Variants in IGSF5 observed in about 807,000 individuals in gnomAD.
The protein encoded by IGSF5 is immunoglobulin superfamily member 5, also known as immunoglobulin superfamily 5 like.
IGSF5 carries 41 observed loss-of-function variants against 39.4 expected under a neutral mutation model. The ratio of observed to expected loss-of-function variants is 1.04; its 90% CI spans 0.81 to 1.35. The LOEUF is 1.35. IGSF5 is among the 40% of genes most tolerant of loss of function. The probability of loss-of-function intolerance (pLI) is 0.00; values close to 1 mark genes in which losing one functional copy is unlikely to be tolerated. For missense variants in IGSF5, 487 were observed against 494.6 expected (o/e 0.98, Z 0.15); for synonymous variants, 183 against 175.3 (o/e 1.04, Z -0.34).
At chr21:39,782,265 T>G (rs2080174677) in intron 5 of IGSF5, among the ~76,000 whole-genome samples, 1 of 152,224 alleles carries the variant, frequency 6.6e-6, no homozygotes, top group African/African-American at 2.4e-5. Flanking sequence ...TCTCCTTGGG[T>G]GAGTCTGCCT....
the IGSF5 span, among the ~76,000 whole-genome samples, chr21:39,716,575 G>T: frequency 2.6e-5 from 4 of 152,010 alleles, no homozygotes; most frequent in African/African-American, 9.7e-5. Flanking sequence ...TTTAGCTCCC[G>T]CTTGTAAGTG....
chr21:39,721,449 G>A, the IGSF5 span, among the ~76,000 whole-genome samples: 1 of 152,184 alleles, frequency 6.6e-6, no homozygotes, highest in African/African-American at 2.4e-5. Flanking sequence ...TGCAAGTTCA[G>A]GCGGAAGTCC....
At position 39,799,319 on chromosome 21, in the gene IGSF5, G is replaced by T. The variant is rs116153145; in HGVS notation, c.1129-1943G>T. Reference sequence around the variant, plus strand: ...GGTGCACCCAGCGCCTATAAATACCGCTGCCTTGGTACCCTGCTGGCGTAG... The same window carrying T: ...GGTGCACCCAGCGCCTATAAATACCTCTGCCTTGGTACCCTGCTGGCGTAG... On this transcript the variant is annotated intron_variant, in intron 8 of 8. Coordinates refer to ENST00000380588, the MANE Select transcript of IGSF5 (RefSeq NM_001080444.2). Among the ~76,000 whole-genome samples the T allele has an allele frequency of 5.2e-3, 785 of 152,218 alleles. 5 individuals carry two copies. Among genetic ancestry groups the T allele is most frequent in the African/African-American group, 0.018 (749 of 41,542 alleles).
intron 3 of IGSF5, among the ~76,000 whole-genome samples, chr21:39,768,492 T>C (rs2080097490): frequency 6.6e-6 from 1 of 152,210 alleles, no homozygotes; most frequent in South Asian, 2.1e-4. Context: ...CCCAAGTGTA[T>C]ACAGAAAAAG....
At chr21:39,797,515 G>A (rs1308142035) in intron 8 of IGSF5, among the ~76,000 whole-genome samples, 1 of 151,918 alleles carries the variant, frequency 6.6e-6, no homozygotes, top group Non-Finnish European at 1.5e-5. Flanking sequence ...CAGCTTGCCC[G>A]GCCTTTAAAA....
At chr21:39,748,874 T>A (rs1308613580) in intron 2 of IGSF5, among the ~76,000 whole-genome samples, 1 of 152,220 alleles carries the variant, frequency 6.6e-6, no homozygotes, top group Admixed American at 6.5e-5. Flanking sequence ...AATTGTGACG[T>A]GCAGCTGAAG....
chr21:39,734,422 CAA>C, the IGSF5 span, among the ~76,000 whole-genome samples: 886 of 96,292 alleles, frequency 9.2e-3, 10 homozygotes, highest in African/African-American at 0.034. Flanking sequence ...GACTCTGTCT[CAA>C]AAAAAAAAAA....
the IGSF5 span, among the ~76,000 whole-genome samples, chr21:39,732,090 T>C: frequency 1.2e-4 from 19 of 152,274 alleles, no homozygotes; most frequent in East Asian, 3.5e-3. Flanking sequence ...TCCTAGTCAA[T>C]GGCCAGGACT....
chr21:39,726,843 A>T, the IGSF5 span, among the ~76,000 whole-genome samples: 1 of 152,054 alleles, frequency 6.6e-6, no homozygotes, highest in East Asian at 1.9e-4. Flanking sequence ...CCAAGGACCC[A>T]TTTTATCATC....
chr21:39,725,484 T>A, the IGSF5 span, among the ~76,000 whole-genome samples: 1 of 152,342 alleles, frequency 6.6e-6, no homozygotes, highest in East Asian at 1.9e-4. Context: ...TTTCTTCTTC[T>A]TGGATTTGGT....
chr21:39,723,611 A>G, the IGSF5 span, among the ~76,000 whole-genome samples: 1 of 152,222 alleles, frequency 6.6e-6, no homozygotes, highest in Admixed American at 6.5e-5. Context: ...GGTCAGTGGT[A>G]CAGATCGTGT....
intron 2 of IGSF5, among the ~76,000 whole-genome samples, chr21:39,750,756 G>T (rs2080001994): frequency 6.6e-6 from 1 of 152,184 alleles, no homozygotes; most frequent in Non-Finnish European, 1.5e-5. Flanking sequence ...TTTCTTAAGA[G>T]GATTTGTTCT....
chr21:39,768,441 A>C (rs1460770843), intron 3 of IGSF5, among the ~76,000 whole-genome samples: 1 of 152,224 alleles, frequency 6.6e-6, no homozygotes, highest in Non-Finnish European at 1.5e-5. Flanking sequence ...TTGTCATGCT[A>C]CTGGCTAACC....
At chr21:39,719,827 CCA>C in the IGSF5 span, among the ~76,000 whole-genome samples, 3 of 152,206 alleles carry the variant, frequency 2.0e-5, no homozygotes, top group African/African-American at 4.8e-5. Context: ...TGTGCTCCAG[CCA>C]CTGAGGTTAG....
At chr21:39,739,081 C>T in the IGSF5 span, among the ~76,000 whole-genome samples, 5 of 151,904 alleles carry the variant, frequency 3.3e-5, no homozygotes, top group Admixed American at 2.6e-4. Context: ...TGGAGACTGC[C>T]GCCACGCCTG....
intron 2 of IGSF5, among the ~76,000 whole-genome samples, chr21:39,748,259 A>G (rs960862927): frequency 7.1e-6 from 1 of 141,610 alleles, no homozygotes; most frequent in Non-Finnish European, 1.5e-5. Context: ...GTGTCTTCAC[A>G]TGACTTTTCC....
the IGSF5 span, among the ~76,000 whole-genome samples, chr21:39,717,202 T>A: frequency 6.6e-6 from 1 of 152,198 alleles, no homozygotes; most frequent in Admixed American, 6.5e-5. Flanking sequence ...GGATTGTTTT[T>A]CTCTTGTAAA....
the IGSF5 span, among the ~76,000 whole-genome samples, chr21:39,724,067 A>AAAAATAAAAT: frequency 9.6e-4 from 132 of 137,044 alleles, no homozygotes; most frequent in African/African-American, 2.3e-3. Context: ...CCCTGTCTCA[A>AAAAATAAAAT]AAAATAAAAT....
chr21:39,801,411 G>A lies in IGSF5; in HGVS notation c.*54G>A, dbSNP rs551168694. On this transcript the variant is annotated 3_prime_UTR_variant, in exon 9 of 9. Transcript: ENST00000380588. ...CTTGGCTGACAATTCAAAACACGGC[G>A]ATGGCATCCTTCCTTTCCATCCTAA... 1.6e-6 allele frequency: 2 copies of A among 1,280,356 alleles called. No individual in the cohort carries two copies. Among genetic ancestry groups the A allele is most frequent in the Admixed American group, 1.7e-5 (1 of 57,628 alleles). 79.3% of individuals were successfully genotyped at this position (1,280,356 alleles called of 1,614,324 possible).
Sources: gnomAD v4.1 joint callset for allele counts (sites outside exome capture counted in the v4.1 genomes callset) on GRCh38, gnomAD v4.1.1 for gene constraint, MANE v1.5 for transcripts, NCBI Gene and HGNC (gene_info 2026-07-23, HGNC 2026-07-21) for gene names.